Variants in NRXN1 observed in about 807,000 individuals in gnomAD.
The protein encoded by NRXN1 is neurexin 1, also known as neurexin-1.
Under a neutral mutation model 150.9 loss-of-function variants are expected in NRXN1, and 39 were observed. The ratio of observed to expected loss-of-function variants is 0.26; its 90% CI spans 0.20 to 0.34. The LOEUF (loss-of-function observed/expected upper bound fraction) is 0.34. Among genes scored for constraint, NRXN1 ranks in the 10% least tolerant of loss-of-function variants. The pLI, the probability that NRXN1 is intolerant of heterozygous loss-of-function variation, is 1.00. For synonymous variants in NRXN1, 924 were observed against 757.0 expected (o/e 1.22, Z -3.62); for missense variants, 1,815 against 1,949.9 (o/e 0.93, Z 1.30).
rs1471808766 is a variant in NRXN1, at chr2:50,346,889, C to T, written c.3365-109919G>A. 2 of 1,315,998 alleles carry T rather than the reference C, an allele frequency of 1.5e-6. No homozygotes were observed. The highest frequency in any genetic ancestry group is 1.5e-5 in the African/African-American group (1 of 65,208). The allele number at this position is 1,315,998 out of a possible 1,614,324, so 81.5% of individuals were successfully genotyped here. A position where few individuals can be genotyped will look rare whatever the true frequency, so the allele number is the denominator to read the frequency against. ...CCCCCTGCGCCGCCGCCGCCGCCGC[C>T]GCCGCCGCCGCCCCCGGGCGAGCCC... On this transcript the variant is annotated intron_variant, in intron 17 of 22. Transcript: ENST00000401669. This position sits in a 1 kb window ranked among gnomAD's most constrained non-coding sequence, Gnocchi z 5.0.
chr2:50,313,776 G>A (rs1044091908), intron 17 of NRXN1, among the ~76,000 whole-genome samples: 2 of 152,046 alleles, frequency 1.3e-5, no homozygotes, highest in Non-Finnish European at 2.9e-5. Flanking sequence ...CTTTAGGGAA[G>A]AAAAAGTATG....
chr2:50,113,153 A>G (rs900207518), intron 18 of NRXN1, among the ~76,000 whole-genome samples: 3 of 152,144 alleles, frequency 2.0e-5, no homozygotes, highest in Admixed American at 2.0e-4. Context: ...TTCAATCCCT[A>G]TCATCTGGCA....
At chr2:50,623,881 A>T (rs919353414) in intron 5 of NRXN1, among the ~76,000 whole-genome samples, 5 of 152,026 alleles carry the variant, frequency 3.3e-5, no homozygotes, top group Admixed American at 2.0e-4. Context: ...GGTGTGCTGC[A>T]CCCATTAACT....
intron 5 of NRXN1, among the ~76,000 whole-genome samples, chr2:50,698,315 C>T (rs559056637): frequency 3.9e-5 from 6 of 152,178 alleles, no homozygotes; most frequent in South Asian, 2.1e-4. Flanking sequence ...AAATATACAA[C>T]GGTGCTGTCT....
intron 22 of NRXN1, among the ~76,000 whole-genome samples, chr2:49,923,219 C>T (rs1358592205): frequency 6.6e-6 from 1 of 152,060 alleles, no homozygotes; most frequent in African/African-American, 2.4e-5. Context: ...GAAGGGGCAG[C>T]TCTTTTCCCC....
chr2:50,357,425 C>T (rs2153006455), intron 17 of NRXN1, among the ~76,000 whole-genome samples: 1 of 152,132 alleles, frequency 6.6e-6, no homozygotes, highest in South Asian at 2.1e-4. Context: ...TCTCCTGCCT[C>T]AGCCTCCTGA....
chr2:50,540,366 A>G (rs2093361099), intron 9 of NRXN1, among the ~76,000 whole-genome samples: 1 of 152,224 alleles, frequency 6.6e-6, no homozygotes. Flanking sequence ...GAAAAATATA[A>G]AGCATGGCAT....
At chr2:50,756,110 C>A (rs535932790) in intron 5 of NRXN1, among the ~76,000 whole-genome samples, 2 of 151,854 alleles carry the variant, frequency 1.3e-5, no homozygotes, top group Admixed American at 1.3e-4. Flanking sequence ...AATCCTCAGG[C>A]CTTTCTCTGC....
At chr2:50,033,983 A>C (rs1156345852) in intron 21 of NRXN1, among the ~76,000 whole-genome samples, 1 of 151,596 alleles carries the variant, frequency 6.6e-6, no homozygotes, top group Non-Finnish European at 1.5e-5. Context: ...AAAAAAAAAA[A>C]AACAAACAGC....
intron 8 of NRXN1, among the ~76,000 whole-genome samples, chr2:50,558,851 C>T (rs1020654383): frequency 3.3e-5 from 5 of 151,976 alleles, no homozygotes; most frequent in African/African-American, 9.7e-5. Context: ...TGGAGGAGGG[C>T]GGATCACGAG....
At chr2:49,974,964 G>A (rs894376875) in intron 21 of NRXN1, among the ~76,000 whole-genome samples, 1 of 151,390 alleles carries the variant, frequency 6.6e-6, no homozygotes, top group African/African-American at 2.4e-5. Context: ...ATAATTATTT[G>A]GTAAGCAAAG....
Position 50,666,963 on chromosome 2 carries a change from C to T in NRXN1, c.833-43348G>A, listed in dbSNP as rs187259699. 1.6e-4 allele frequency among the ~76,000 whole-genome samples: 24 copies of T among 151,338 alleles called. No homozygotes were observed. The East Asian group carries it at 2.9e-3, about 18-fold the overall frequency. ...CTAGGATTAGAGAACACACGCATGGCGTGGTGAGAGTATATAAAAGAGAAA... is the reference window on the plus strand; with the variant it reads ...CTAGGATTAGAGAACACACGCATGGTGTGGTGAGAGTATATAAAAGAGAAA... On this transcript the variant is annotated intron_variant, in intron 5 of 22. Transcript: ENST00000401669.
At chr2:50,055,341 T>G (rs58261576) in intron 19 of NRXN1, among the ~76,000 whole-genome samples, 4 of 152,196 alleles carry the variant, frequency 2.6e-5, no homozygotes, top group Non-Finnish European at 5.9e-5. Context: ...ATAATAGCTT[T>G]ACAAAAAATG....
At chr2:50,657,676 G>A (rs926351100) in intron 5 of NRXN1, among the ~76,000 whole-genome samples, 4 of 152,032 alleles carry the variant, frequency 2.6e-5, no homozygotes, top group African/African-American at 9.7e-5. Context: ...TTGAAGAGTA[G>A]ACATGAGATA....
At chr2:50,892,806 G>A (rs1293779894) in intron 5 of NRXN1, among the ~76,000 whole-genome samples, 1 of 152,054 alleles carries the variant, frequency 6.6e-6, no homozygotes, top group Admixed American at 6.5e-5. Flanking sequence ...ATTAACATGT[G>A]CCAGTTGCCA....
At chr2:50,611,031 C>A (rs1307305436) in intron 8 of NRXN1, among the ~76,000 whole-genome samples, 1 of 149,494 alleles carries the variant, frequency 6.7e-6, no homozygotes, top group Non-Finnish European at 1.5e-5. Context: ...CAGGCATGAG[C>A]CACTCCACAC....
intron 5 of NRXN1, among the ~76,000 whole-genome samples, chr2:50,808,315 G>A (rs547391204): frequency 1.3e-5 from 2 of 151,968 alleles, no homozygotes; most frequent in Non-Finnish European, 2.9e-5. Context: ...ACTTTCATAA[G>A]CCATGTTTTA....
intron 5 of NRXN1, among the ~76,000 whole-genome samples, chr2:50,779,519 A>G (rs1704074495): frequency 6.6e-6 from 1 of 152,202 alleles, no homozygotes; most frequent in Non-Finnish European, 1.5e-5. Flanking sequence ...CTGTAATCCT[A>G]GCACTTTGGG....
chr2:50,975,650 T>C (rs1308442997), intron 2 of NRXN1, among the ~76,000 whole-genome samples: 14 of 152,158 alleles, frequency 9.2e-5, no homozygotes, highest in Admixed American at 3.3e-4. Flanking sequence ...TATCTAACTA[T>C]GTGGACATCT....
Sources: allele counts gnomAD v4.1 joint callset (sites outside exome capture counted in the v4.1 genomes callset), GRCh38; gene constraint gnomAD v4.1.1; non-coding constraint Gnocchi (gnomAD v3.1); transcripts MANE v1.5; gene names NCBI Gene and HGNC (gene_info 2026-07-23, HGNC 2026-07-21).